Variants in HSPG2 observed in about 807,000 individuals in gnomAD.
HSPG2 encodes heparan sulfate proteoglycan 2, also known as basement membrane-specific heparan sulfate proteoglycan core protein.
In HSPG2, 278 loss-of-function variants were observed where a neutral mutation model predicts 526.6. The ratio of observed to expected loss-of-function variants is 0.53; its 90% CI spans 0.48 to 0.58. The LOEUF (loss-of-function observed/expected upper bound fraction) is 0.58, where lower values mean the gene tolerates loss of function less well. HSPG2 is among the 20% of genes least tolerant of loss of function. The pLI, the probability that HSPG2 is intolerant of heterozygous loss-of-function variation, is 0.00. For missense variants in HSPG2, 5,354 were observed against 6,099.5 expected (o/e 0.88, Z 4.07); for synonymous variants, 2,465 against 2,555.4 (o/e 0.96, Z 1.07).
intron 55 of HSPG2, 45 bp from the exon 56 acceptor site, chr1:21,850,543 C>A: frequency 6.5e-7 from 1 of 1,545,542 alleles, no homozygotes; most frequent in Non-Finnish European, 8.7e-7. Context: ...CAGGAGACCC[C>A]TGTTCCTATA....
At chr1:21,894,640 G>A (rs779377455) in intron 3 of HSPG2, among the ~76,000 whole-genome samples, 3 of 152,176 alleles carry the variant, frequency 2.0e-5, no homozygotes, top group African/African-American at 4.8e-5. Context: ...AAGGGCAGGT[G>A]GGCTGGCCAG....
chr1:21,851,398 T>A, intron 55 of HSPG2, 148 bp downstream of exon 55: 1 of 1,163,752 alleles, frequency 8.6e-7, no homozygotes, highest in Non-Finnish European at 1.2e-6. Context: ...CAGTCCTAGA[T>A]TCTGGTTTCT....
At chr1:21,855,496 G>GC in intron 46 of HSPG2, 27 bp downstream of exon 46, 1 of 1,611,498 alleles carries the variant, frequency 6.2e-7, no homozygotes, top group East Asian at 2.2e-5. Flanking sequence ...CACACTCCCG[G>GC]CCCCCACCCT....
At chr1:21,918,223 G>A (rs530720182) in intron 1 of HSPG2, among the ~76,000 whole-genome samples, 1 of 152,130 alleles carries the variant, frequency 6.6e-6, no homozygotes, top group African/African-American at 2.4e-5. Context: ...TCAGCACTTT[G>A]GGAGGCCGAG....
rs553306967 is a variant in HSPG2, at chr1:21,828,774, G to A, written c.12237+61C>T. On this transcript the variant is annotated intron_variant, in intron 88 of 96. Transcript: ENST00000374695. This position sits in a 1 kb window ranked among gnomAD's most constrained non-coding sequence, Gnocchi z 6.0. ...CCAATGCCAAGGTGCTTGGAGAGCC[G>A]AGGGGGACACAAGGCTTGGCACCCC... 20 of 1,548,720 alleles carry A rather than the reference G, an allele frequency of 1.3e-5. 1 individual carries two copies. The highest frequency in any genetic ancestry group is 1.2e-4 in the East Asian group (5 of 40,916).
intron 91 of HSPG2, among the ~76,000 whole-genome samples, chr1:21,825,778 A>C (rs780708602): frequency 1.5e-4 from 22 of 151,652 alleles, no homozygotes; most frequent in Non-Finnish European, 1.8e-4. Flanking sequence ...ATATATAGAT[A>C]ATTTTTATTT....
chr1:21,848,210 GGCCTTCGT>G lies in HSPG2; in HGVS notation c.7738-125_7738-118del. 1.6e-6 allele frequency: 2 copies of G among 1,241,420 alleles called. No individual in the cohort carries two copies. The highest frequency in any genetic ancestry group is 2.3e-6 in the Non-Finnish European group (2 of 880,314). 76.9% of individuals were successfully genotyped at this position (1,241,420 alleles called of 1,614,324 possible). The stretch of plus-strand genomic sequence containing the variant: ...GGCCTCCCTGCCTTGCCTCCTCAGT[GGCCTTCGT>G]GAAGCTCCCAGCATGGCATGTGGCC... On this transcript the variant is annotated intron_variant, in intron 59 of 96. Coordinates refer to ENST00000374695, the MANE Select transcript of HSPG2 (RefSeq NM_005529.7). The surrounding 1 kb of genome is among the most constrained non-coding windows in gnomAD (Gnocchi z 4.9).
intron 1 of HSPG2, among the ~76,000 whole-genome samples, chr1:21,921,989 C>T (rs1454807241): frequency 2.0e-5 from 3 of 152,060 alleles, no homozygotes; most frequent in Admixed American, 6.5e-5. Flanking sequence ...CTTCCCATAG[C>T]GGGGGTGAGG....
At chr1:21,870,989 C>T in intron 33 of HSPG2, 2 of 543,600 alleles carry the variant, frequency 3.7e-6, no homozygotes, top group Non-Finnish European at 4.7e-6. Context: ...GGAGAAGGGA[C>T]CAGAAGGCAG....
rs2097963110 is a variant in HSPG2, at chr1:21,824,450, T to C, written c.12745-74A>G. 3 of 1,600,816 alleles carry C rather than the reference T, an allele frequency of 1.9e-6. No individual in the cohort carries two copies. In the Admixed American group the frequency reaches 5.0e-5, roughly 27 times the overall value. On this transcript the variant is annotated intron_variant, in intron 93 of 96. Coordinates refer to ENST00000374695, the MANE Select transcript of HSPG2 (RefSeq NM_005529.7). This position sits in a 1 kb window ranked among gnomAD's most constrained non-coding sequence, Gnocchi z 5.9. Reference sequence around the variant, plus strand: ...GGCTGCCGAGGCCAGGGGGCTCTGCTTTCCCCTCCCCCCACCACTCCGGCC... The same window carrying C: ...GGCTGCCGAGGCCAGGGGGCTCTGCCTTCCCCTCCCCCCACCACTCCGGCC...
chr1:21,843,553 G>C, intron 65 of HSPG2, 115 bp from the exon 66 acceptor site: 1 of 1,121,522 alleles, frequency 8.9e-7, no homozygotes, highest in Admixed American at 2.3e-5. Context: ...CATCCTGTTG[G>C]AGGCGACCCC....
rs759788483 is a variant in HSPG2 at position 21,859,550 on chromosome 1, G to A, written c.5293+16C>T. The stretch of plus-strand genomic sequence containing the variant: ...CAGGACAGGCAGTCTTGGTTACAGG[G>A]GGCGTAGGGACTCACCAGTGACCAG... On this transcript the variant is annotated intron_variant, in intron 42 of 96. Coordinates refer to ENST00000374695, the MANE Select transcript of HSPG2 (RefSeq NM_005529.7). This position sits in a 1 kb window ranked among gnomAD's most constrained non-coding sequence, Gnocchi z 5.3. 8 of 1,554,950 alleles carry A rather than the reference G, an allele frequency of 5.1e-6. No individual in the cohort carries two copies. In the South Asian group the frequency reaches 5.9e-5, roughly 11 times the overall value.
At chr1:21,873,573 G>A in intron 29 of HSPG2, 149 bp from the exon 30 acceptor site, 3 of 837,744 alleles carry the variant, frequency 3.6e-6, no homozygotes, top group Non-Finnish European at 6.0e-6. Context: ...AAACTGGGCA[G>A]AGAAGAGCAG....
At chr1:21,924,968 C>CT (rs1474449403) in intron 1 of HSPG2, among the ~76,000 whole-genome samples, 4 of 152,260 alleles carry the variant, frequency 2.6e-5, no homozygotes, top group South Asian at 4.1e-4. Flanking sequence ...ATTGTCTGGA[C>CT]TTTGAGTTGT....
Position 21,841,200 on chromosome 1 carries a change from C to T in HSPG2, c.9414G>A (p.Gly3138=), listed in dbSNP as rs376921033. The change falls in exon 71 of 97, where the codon GGG becomes GGA. Residue 3138 remains glycine, a synonymous_variant. Coordinates refer to ENST00000374695, the MANE Select transcript of HSPG2 (RefSeq NM_005529.7). The part of the protein sequence containing the change: ...KAVTLECVSA[G]EPRSSARWTR... ...TCCAACGAGCAGAGGAGCGGGGCTC[C>T]CCGGCACTGACACACTCCAGGGTGA... is the stretch of plus-strand genomic sequence containing the variant. The T allele has an allele frequency of 5.6e-6, 9 of 1,613,736 alleles. No homozygotes were observed. Among genetic ancestry groups the T allele is most frequent in the Non-Finnish European group, 7.6e-6 (9 of 1,180,052 alleles).
rs903565605 is a variant in HSPG2 at position 21,848,133 on chromosome 1, G to T, written c.7738-40C>A. The T allele has an allele frequency of 1.3e-6, 2 of 1,550,484 alleles. No homozygotes were observed. Among genetic ancestry groups the T allele is most frequent in the African/African-American group, 2.7e-5 (2 of 73,224 alleles). On this transcript the variant is annotated intron_variant, in intron 59 of 96. Coordinates refer to ENST00000374695, the MANE Select transcript of HSPG2 (RefSeq NM_005529.7). The surrounding 1 kb of genome is among the most constrained non-coding windows in gnomAD (Gnocchi z 4.9). ...TGGCAGGAGGTATGGCAGTAGGTGTGGGCAGCTCCTCCACATCTTGGGCAC... is the reference window on the plus strand; with the variant it reads ...TGGCAGGAGGTATGGCAGTAGGTGTTGGCAGCTCCTCCACATCTTGGGCAC...
In HSPG2 at chr1:21,863,060, C is replaced by CAAAAACAAAAAAAA. The variant is rs1423127350; in HGVS notation, c.4741-946_4741-945insTTTTTTTTGTTTTT. On this transcript the variant is annotated intron_variant, in intron 37 of 96. Coordinates refer to ENST00000374695, the MANE Select transcript of HSPG2 (RefSeq NM_005529.7). Reference sequence around the variant, plus strand: ...GGGTGACAAAAGCGAGACTCCATCTCAAAAAAAAAAAAAAAAAAAAAAAAA... The same window carrying CAAAAACAAAAAAAA: ...GGGTGACAAAAGCGAGACTCCATCTCAAAAACAAAAAAAAAAAAAAAAAAAAAAAAAAAAAAAAA... Among the ~76,000 whole-genome samples the CAAAAACAAAAAAAA allele has an allele frequency of 3.0e-3, 93 of 31,210 alleles. 7 individuals are homozygous for CAAAAACAAAAAAAA. Among genetic ancestry groups the CAAAAACAAAAAAAA allele is most frequent in the African/African-American group, 4.6e-3 (31 of 6,724 alleles). The allele number at this position is 31,210 out of a possible 152,430, so 20.5% of individuals were successfully genotyped here. A position where few individuals can be genotyped will look rare whatever the true frequency, so the allele number is the denominator to read the frequency against.
At chr1:21,889,946 G>A in intron 6 of HSPG2, 35 bp downstream of exon 6, 17 of 1,613,090 alleles carry the variant, frequency 1.1e-5, no homozygotes, top group Non-Finnish European at 1.4e-5. Flanking sequence ...CCACGAGTCT[G>A]GAGGAGGCGA....
chr1:21,875,970 C>T lies in HSPG2; in HGVS notation c.3076G>A (p.Gly1026Arg), dbSNP rs1390312956. The T allele has an allele frequency of 7.4e-6, 12 of 1,614,076 alleles. No homozygotes were observed. The highest frequency in any genetic ancestry group is 2.7e-5 in the African/African-American group (2 of 74,940). ...RSQPGSTPLH[G>R]QPLVVLQGNN... ...CCTTGCAGCACCACCAACGGCTGCCCGTGCAGGGGTGTGGAGCCCGGCTGG... is the reference window on the plus strand; with the variant it reads ...CCTTGCAGCACCACCAACGGCTGCCTGTGCAGGGGTGTGGAGCCCGGCTGG... The change falls in exon 24 of 97, where the codon GGG becomes AGG. Residue 1026 changes from glycine to arginine, a missense_variant. Coordinates refer to ENST00000374695, the MANE Select transcript of HSPG2 (RefSeq NM_005529.7).
Sources: gnomAD v4.1 joint callset for allele counts (sites outside exome capture counted in the v4.1 genomes callset) on GRCh38, gnomAD v4.1.1 for gene constraint, Gnocchi (gnomAD v3.1) non-coding constraint, MANE v1.5 for transcripts, NCBI Gene and HGNC (gene_info 2026-07-23, HGNC 2026-07-21) for gene names.